ACADL: variants seen among roughly 807,000 people sequenced by gnomAD.
ACADL encodes acyl-CoA dehydrogenase long chain, also known as long-chain specific acyl-CoA dehydrogenase, mitochondrial.
Under a neutral mutation model 56.9 loss-of-function variants are expected in ACADL, and 60 were observed. The observed-to-expected ratio is 1.05, with a 90% CI of 0.86 to 1.31. The LOEUF (loss-of-function observed/expected upper bound fraction) is 1.31, where lower values mean the gene tolerates loss of function less well. Ranked by LOEUF, ACADL falls within the 50% of genes most tolerant of loss-of-function variation. ACADL has a pLI of 0.00. For missense variants in ACADL, 484 were observed against 525.5 expected (o/e 0.92, Z 0.77); for synonymous variants, 158 against 179.7 (o/e 0.88, Z 0.97).
chr2:210,217,819 G>A (rs1471742670), intron 3 of ACADL, 146 bp downstream of exon 3: 11 of 1,021,772 alleles, frequency 1.1e-5, no homozygotes, highest in African/African-American at 1.6e-5. Flanking sequence ...GTGCATGAGC[G>A]GTATAATCTT....
chr2:210,216,234 G>A, intron 4 of ACADL, 113 bp downstream of exon 4: 1 of 1,127,404 alleles, frequency 8.9e-7, no homozygotes, highest in Admixed American at 1.7e-5. Flanking sequence ...ATTATCCCGT[G>A]TTCATCTTTG....
At chr2:210,195,986 C>G (rs1688704892) in intron 8 of ACADL, among the ~76,000 whole-genome samples, 1 of 152,138 alleles carries the variant, frequency 6.6e-6, no homozygotes, top group Admixed American at 6.6e-5. Flanking sequence ...GGCTCTGTCC[C>G]TACCCAAATC....
Position 210,188,897 on chromosome 2 carries a change from T to G in ACADL, c.*64A>C. 1 of 1,186,400 alleles carries G rather than the reference T, an allele frequency of 8.4e-7. No individual in the cohort carries two copies. Among genetic ancestry groups the G allele is most frequent in the Non-Finnish European group, 1.3e-6 (1 of 790,446 alleles). 73.5% of individuals were successfully genotyped at this position (1,186,400 alleles called of 1,614,324 possible). A position where few individuals can be genotyped will look rare whatever the true frequency, so the allele number is the denominator to read the frequency against. On this transcript the variant is annotated 3_prime_UTR_variant, in exon 11 of 11. Transcript: ENST00000233710. ...GTGTTTCCTCGCTTTCCAAGTTACA[T>G]TTTATCTTGAGCAGATTTAAAACGA...
At chr2:210,191,172 C>G (rs1688627674) in intron 10 of ACADL, among the ~76,000 whole-genome samples, 2 of 152,102 alleles carry the variant, frequency 1.3e-5, no homozygotes, top group African/African-American at 4.8e-5. Flanking sequence ...TTTGGCATCC[C>G]AAAGTGCTGG....
chr2:210,190,721 A>G (rs1343493118), intron 10 of ACADL, among the ~76,000 whole-genome samples: 1 of 152,114 alleles, frequency 6.6e-6, no homozygotes, highest in East Asian at 1.9e-4. Context: ...ACAAAAAAAC[A>G]AAATAAAAAA....
chr2:210,225,389 C>T lies in ACADL; in HGVS notation c.-126G>A, dbSNP rs1326293628. The T allele has an allele frequency of 1.9e-6, 2 of 1,074,204 alleles. No homozygotes were observed. Among genetic ancestry groups the T allele is most frequent in the African/African-American group, 3.3e-5 (2 of 60,578 alleles). The allele number at this position is 1,074,204 out of a possible 1,614,324, so 66.5% of individuals were successfully genotyped here. A position where few individuals can be genotyped will look rare whatever the true frequency, so the allele number is the denominator to read the frequency against. Reference sequence around the variant, plus strand: ...CACCTGTGGTGTCCTCCCAAAAAAGCGCTCGCGCGCGCCCTTCCGGAGCCC... The same window carrying T: ...CACCTGTGGTGTCCTCCCAAAAAAGTGCTCGCGCGCGCCCTTCCGGAGCCC... On this transcript the variant is annotated 5_prime_UTR_variant, in exon 1 of 11. Coordinates refer to ENST00000233710, the MANE Select transcript of ACADL (RefSeq NM_001608.4).
intron 8 of ACADL, among the ~76,000 whole-genome samples, chr2:210,201,613 C>A (rs1034444764): frequency 6.6e-6 from 1 of 152,086 alleles, no homozygotes; most frequent in African/African-American, 2.4e-5. Flanking sequence ...TGAAAAGCCA[C>A]CAAGTTGTTT....
chr2:210,190,058 G>T (rs1688607631), intron 10 of ACADL, among the ~76,000 whole-genome samples: 1 of 151,792 alleles, frequency 6.6e-6, no homozygotes, highest in Admixed American at 6.6e-5. Flanking sequence ...TATAATCTTG[G>T]TGTTTTGTTT....
chr2:210,217,716 G>T, intron 3 of ACADL: 1 of 447,324 alleles, frequency 2.2e-6, no homozygotes, highest in Admixed American at 3.8e-5. Context: ...GCATTGACAG[G>T]AAAAAAAAAC....
At chr2:210,195,139 T>G in intron 9 of ACADL, 72 bp downstream of exon 9, 2 of 1,594,672 alleles carry the variant, frequency 1.3e-6, no homozygotes, top group South Asian at 1.1e-5. Flanking sequence ...CCCTCAAGGC[T>G]GAGCTTAAAA....
Position 210,216,369 on chromosome 2 carries a change from TTGC to T in ACADL, c.511_513del (p.Ala171del). ...TACCTTCCAGCTCCAGGCTCTGTCA[TTGC>T]TATTGCACCAATACATTTGCCTGCA... On this transcript the variant is annotated inframe_deletion, in exon 4 of 11. Transcript: ENST00000233710. 1.9e-6 allele frequency: 3 copies of T among 1,613,800 alleles called. No individual in the cohort carries two copies. The highest frequency in any genetic ancestry group is 2.5e-6 in the Non-Finnish European group (3 of 1,179,798).
Position 210,205,623 on chromosome 2 carries a change from A to C in ACADL, c.768+9T>G. On this transcript the variant is annotated intron_variant, in intron 6 of 10. Coordinates refer to ENST00000233710, the MANE Select transcript of ACADL (RefSeq NM_001608.4). ...TTAGTATCTGAATATGATTTACATTATCACTCACCTGGGCTTTTAATCCCA... is the reference window on the plus strand; with the variant it reads ...TTAGTATCTGAATATGATTTACATTCTCACTCACCTGGGCTTTTAATCCCA... The C allele has an allele frequency of 6.2e-7, 1 of 1,613,014 alleles. No homozygotes were observed. Among genetic ancestry groups the C allele is most frequent in the Non-Finnish European group, 8.5e-7 (1 of 1,179,172 alleles).
In ACADL at chr2:210,203,457, A is replaced by T; in HGVS notation, c.871-13T>A. 1 of 1,568,798 alleles carries T rather than the reference A, an allele frequency of 6.4e-7. No homozygotes were observed. The highest frequency in any genetic ancestry group is 1.1e-5 in the South Asian group (1 of 89,732). ...TTAACAGCCTTTCCTATAACACAAA[A>T]ATTAGGTCTTAAACATTACTCTAAT... On this transcript the variant is annotated splice_polypyrimidine_tract_variant and intron_variant, in intron 7 of 10. Coordinates refer to ENST00000233710, the MANE Select transcript of ACADL (RefSeq NM_001608.4).
chr2:210,225,244 CGGA>C lies in ACADL; in HGVS notation c.17_19del (p.Leu6del). 1 of 1,557,504 alleles carries C rather than the reference CGGA, an allele frequency of 6.4e-7. No individual in the cohort carries two copies. Among genetic ancestry groups the C allele is most frequent in the East Asian group, 2.4e-5 (1 of 41,680 alleles). On this transcript the variant is annotated inframe_deletion, in exon 1 of 11. Coordinates refer to ENST00000233710, the MANE Select transcript of ACADL (RefSeq NM_001608.4). ...GCCGCCCAGGACGCGTAGGGACCCTCGGAGAAGGCGTGCGGCCATGTCCGAAAC... is the reference window on the plus strand; with the variant it reads ...GCCGCCCAGGACGCGTAGGGACCCTCGAAGGCGTGCGGCCATGTCCGAAAC...
chr2:210,225,098 C>G (rs1479432019), intron 1 of ACADL, 89 bp downstream of exon 1: 1 of 1,522,876 alleles, frequency 6.6e-7, no homozygotes, highest in African/African-American at 1.4e-5. Context: ...GCGCGCACCG[C>G]CCTGCTTCAA....
chr2:210,189,848 A>G (rs1482639220), intron 10 of ACADL, among the ~76,000 whole-genome samples: 8 of 152,146 alleles, frequency 5.3e-5, no homozygotes, highest in Non-Finnish European at 1.2e-4. Context: ...TATATTTCCT[A>G]ATTAATGGTT....
Position 210,203,365 on chromosome 2 carries a change from C to G in ACADL, c.950G>C (p.Arg317Thr). The G allele has an allele frequency of 2.5e-6, 4 of 1,613,504 alleles. No homozygotes were observed. The highest frequency in any genetic ancestry group is 3.4e-6 in the Non-Finnish European group (4 of 1,179,712). Residue 317 changes from arginine to threonine, a missense_variant, in exon 8 of 11, where the codon AGA (arginine) becomes ACA (threonine). Coordinates refer to ENST00000233710, the MANE Select transcript of ACADL (RefSeq NM_001608.4). ...AGCAACTGTTTTGCCAAAAGCTTTT[C>G]TTTGTTTAACATAGTTCCTGGTTTC... ...FEETRNYVKQRKAFGKTVAHL... is the reference protein window; with the variant it reads ...FEETRNYVKQTKAFGKTVAHL...
chr2:210,200,578 G>A (rs1014278056), intron 8 of ACADL, among the ~76,000 whole-genome samples: 7 of 152,148 alleles, frequency 4.6e-5, no homozygotes, highest in African/African-American at 1.7e-4. Flanking sequence ...AAGGAAATCA[G>A]AATTTAATCA....
At position 210,188,597 on chromosome 2, in the gene ACADL, T is replaced by C. The variant is rs1285863934; in HGVS notation, c.*364A>G. ...TTTCCCTTTAAAAGTCAATGTGCTATCTTATTAATGTTTTTATACTATAGC... is the reference window on the plus strand; with the variant it reads ...TTTCCCTTTAAAAGTCAATGTGCTACCTTATTAATGTTTTTATACTATAGC... On this transcript the variant is annotated 3_prime_UTR_variant, in exon 11 of 11. Coordinates refer to ENST00000233710, the MANE Select transcript of ACADL (RefSeq NM_001608.4). 1.0e-5 allele frequency: 2 copies of C among 198,040 alleles called. No homozygotes were observed. Among genetic ancestry groups the C allele is most frequent in the African/African-American group, 2.4e-5 (1 of 42,078 alleles). 12.3% of individuals were successfully genotyped at this position (198,040 alleles called of 1,614,324 possible). A position where few individuals can be genotyped will look rare whatever the true frequency, so the allele number is the denominator to read the frequency against.
Sources: allele counts gnomAD v4.1 joint callset (sites outside exome capture counted in the v4.1 genomes callset), GRCh38; gene constraint gnomAD v4.1.1; transcripts MANE v1.5; gene names NCBI Gene and HGNC (gene_info 2026-07-23, HGNC 2026-07-21).